The following GABBR2 variants were observed in gnomAD, a reference collection of about 807,000 sequenced individuals.
GABBR2 encodes G-protein coupled receptor 51.
A neutral mutation model predicts 105.6 loss-of-function variants in GABBR2; 23 were observed. The ratio of observed to expected loss-of-function variants is 0.22; its 90% CI spans 0.16 to 0.31. The LOEUF is 0.31. Among genes scored for constraint, GABBR2 ranks in the 10% least tolerant of loss-of-function variants. The pLI, the probability that GABBR2 is intolerant of heterozygous loss-of-function variation, is 1.00. For synonymous variants in GABBR2, 478 were observed against 499.7 expected (o/e 0.96, Z 0.58); for missense variants, 734 against 1,245.5 (o/e 0.59, Z 6.18).
At chr9:98,577,228 A>ATGGATGGATGGATGGTTAG (rs769775744) in intron 2 of GABBR2, among the ~76,000 whole-genome samples, 2 of 151,128 alleles carry the variant, frequency 1.3e-5, no homozygotes, top group African/African-American at 2.4e-5. Context: ...GGATGGATGG[A>ATGGATGGATGGATGGTTAG]GCAAAAAAGT....
chr9:98,678,964 G>A (rs1830507887), intron 1 of GABBR2, among the ~76,000 whole-genome samples: 1 of 152,180 alleles, frequency 6.6e-6, no homozygotes. Flanking sequence ...GTATGGAAGA[G>A]GCTGAAAAAG....
chr9:98,496,775 C>T (rs1827289828), intron 3 of GABBR2, among the ~76,000 whole-genome samples: 1 of 152,184 alleles, frequency 6.6e-6, no homozygotes, highest in South Asian at 2.1e-4. Flanking sequence ...GGAGTTCCTG[C>T]AAGAGTCAAG....
At chr9:98,450,876 T>C (rs889534236) in intron 7 of GABBR2, among the ~76,000 whole-genome samples, 3 of 152,208 alleles carry the variant, frequency 2.0e-5, no homozygotes, top group Non-Finnish European at 4.4e-5. Flanking sequence ...AGGGAGCATT[T>C]AGAAGTGGTT....
In GABBR2 at chr9:98,547,056, T is replaced by C. The variant is rs1019141750; in HGVS notation, c.460-5013A>G. On this transcript the variant is annotated intron_variant, in intron 2 of 18. Transcript: ENST00000259455. Reference sequence around the variant, plus strand: ...CTACAAAGTGATGCAGAGGAGAAATTTGGGGCTGGCTTGATTGTCACTGAT... The same window carrying C: ...CTACAAAGTGATGCAGAGGAGAAATCTGGGGCTGGCTTGATTGTCACTGAT... Among the ~76,000 whole-genome samples, 21 of 119,346 alleles carry C rather than the reference T, an allele frequency of 1.8e-4. 2 individuals carry two copies. The highest frequency in any genetic ancestry group is 5.6e-4 in the African/African-American group (21 of 37,332). 78.3% of individuals were successfully genotyped at this position (119,346 alleles called of 152,430 possible). A position where few individuals can be genotyped will look rare whatever the true frequency, so the allele number is the denominator to read the frequency against.
intron 12 of GABBR2, among the ~76,000 whole-genome samples, chr9:98,365,052 G>T (rs1443934253): frequency 1.3e-5 from 2 of 152,178 alleles, no homozygotes; most frequent in Non-Finnish European, 2.9e-5. Flanking sequence ...CAGGGGGAGG[G>T]AGAGAGCAGG....
intron 16 of GABBR2, among the ~76,000 whole-genome samples, 167 bp from the exon 17 acceptor site, chr9:98,299,520 G>T (rs1004757352): frequency 2.0e-5 from 3 of 152,220 alleles, no homozygotes; most frequent in Non-Finnish European, 4.4e-5. Context: ...GAAGGATCCT[G>T]GCGGCTCTTT....
chr9:98,406,757 T>A (rs1218129894), intron 7 of GABBR2, among the ~76,000 whole-genome samples: 1 of 152,146 alleles, frequency 6.6e-6, no homozygotes, highest in Non-Finnish European at 1.5e-5. Flanking sequence ...GTGCCCCTCA[T>A]TAGGGACCTT....
intron 12 of GABBR2, among the ~76,000 whole-genome samples, chr9:98,364,559 C>G (rs902085045): frequency 2.0e-5 from 3 of 150,378 alleles, no homozygotes; most frequent in African/African-American, 7.4e-5. Context: ...TAAAGTAAAT[C>G]CTTCCAATTT....
At chr9:98,616,186 A>G (rs1168559417) in intron 1 of GABBR2, among the ~76,000 whole-genome samples, 3 of 152,328 alleles carry the variant, frequency 2.0e-5, no homozygotes, top group Non-Finnish European at 4.4e-5. Flanking sequence ...GATACAGGGT[A>G]TGGGGTGTTA....
intron 18 of GABBR2, among the ~76,000 whole-genome samples, chr9:98,291,006 G>A (rs1217945802): frequency 6.6e-6 from 1 of 152,142 alleles, no homozygotes; most frequent in South Asian, 2.1e-4. Flanking sequence ...CGAGCTTTGG[G>A]CCAGGATTTG....
chr9:98,579,129 T>G (rs961085811), intron 1 of GABBR2, among the ~76,000 whole-genome samples: 2 of 152,058 alleles, frequency 1.3e-5, no homozygotes, highest in Non-Finnish European at 2.9e-5. Context: ...TTATGTATAT[T>G]TTTACCACAG....
intron 13 of GABBR2, among the ~76,000 whole-genome samples, chr9:98,315,370 C>T (rs1318404239): frequency 1.3e-5 from 2 of 152,208 alleles, no homozygotes; most frequent in African/African-American, 2.4e-5. Context: ...TCACTAATGT[C>T]ATCCTCATGC....
chr9:98,295,531 A>T (rs972401219), intron 17 of GABBR2, among the ~76,000 whole-genome samples: 6 of 142,212 alleles, frequency 4.2e-5, no homozygotes, highest in African/African-American at 1.7e-4. Context: ...ATTAAATGAG[A>T]TGTCTTTTTT....
At chr9:98,693,304 G>A (rs1006075517) in intron 1 of GABBR2, among the ~76,000 whole-genome samples, 8 of 152,198 alleles carry the variant, frequency 5.3e-5, no homozygotes, top group African/African-American at 1.2e-4. Context: ...TTTCAGTCCC[G>A]GGCATTGAGC....
intron 13 of GABBR2, among the ~76,000 whole-genome samples, chr9:98,337,498 A>G (rs915551179): frequency 4.6e-5 from 7 of 152,212 alleles, no homozygotes; most frequent in Non-Finnish European, 1.0e-4. Flanking sequence ...TATAAATCAT[A>G]TGGAATCTCA....
At chr9:98,477,589 G>A (rs1826819865) in intron 5 of GABBR2, among the ~76,000 whole-genome samples, 1 of 152,008 alleles carries the variant, frequency 6.6e-6, no homozygotes, top group African/African-American at 2.4e-5. Context: ...CTGACAAACG[G>A]GTACTATTGC....
At chr9:98,628,319 T>C (rs1829773075) in intron 1 of GABBR2, among the ~76,000 whole-genome samples, 2 of 152,192 alleles carry the variant, frequency 1.3e-5, no homozygotes, top group Admixed American at 1.3e-4. Flanking sequence ...CCAGGTATCC[T>C]AAAGTCATAT....
chr9:98,610,132 G>A (rs7874603), intron 1 of GABBR2, among the ~76,000 whole-genome samples: 11,831 of 152,272 alleles, frequency 0.078, 584 homozygotes, highest in African/African-American at 0.14. Context: ...CCGCCTAGGA[G>A]GGCAGTGCAG....
chr9:98,444,849 G>A (rs978758666), intron 7 of GABBR2, among the ~76,000 whole-genome samples: 10 of 149,116 alleles, frequency 6.7e-5, no homozygotes, highest in African/African-American at 2.3e-4. Context: ...ATGCGTGCAC[G>A]TGCACATGCA....
Sources: allele counts gnomAD v4.1 joint callset (sites outside exome capture counted in the v4.1 genomes callset), GRCh38; gene constraint gnomAD v4.1.1; transcripts MANE v1.5; gene names NCBI Gene and HGNC (gene_info 2026-07-23, HGNC 2026-07-21).